PPP1CC: variants seen among roughly 807,000 people sequenced by gnomAD.
The protein encoded by PPP1CC is protein phosphatase 1 catalytic subunit gamma, also known as serine/threonine-protein phosphatase PP1-gamma catalytic subunit.
PPP1CC carries 16 observed loss-of-function variants against 38.4 expected under a neutral mutation model. The ratio of observed to expected loss-of-function variants is 0.42; its 90% CI spans 0.28 to 0.63. PPP1CC has a LOEUF of 0.63. Ranked by LOEUF, PPP1CC falls within the 30% of genes least tolerant of loss-of-function variation. The pLI is 0.25. For missense variants in PPP1CC, 170 were observed against 391.3 expected (o/e 0.43, Z 4.77); for synonymous variants, 158 against 136.0 (o/e 1.16, Z -1.13).
Position 110,722,766 on chromosome 12 carries a change from C to A in PPP1CC, c.524-71G>T. On this transcript the variant is annotated intron_variant, in intron 4 of 6. Transcript: ENST00000335007. This position sits in a 1 kb window ranked among gnomAD's most constrained non-coding sequence, Gnocchi z 5.4. Reference sequence around the variant, plus strand: ...AAAGGATACTACCCCTTCAAAAGTTCCATTTGTCTACAGAGAAATTCAATA... The same window carrying A: ...AAAGGATACTACCCCTTCAAAAGTTACATTTGTCTACAGAGAAATTCAATA... 1.8e-6 allele frequency: 2 copies of A among 1,125,556 alleles called. No homozygotes were observed. The highest frequency in any genetic ancestry group is 2.5e-6 in the Non-Finnish European group (2 of 802,576). The allele number at this position is 1,125,556 out of a possible 1,614,324, so 69.7% of individuals were successfully genotyped here.
chr12:110,732,027 T>C lies in PPP1CC; in HGVS notation c.56-126A>G, dbSNP rs77362774. On this transcript the variant is annotated intron_variant, in intron 1 of 6. Transcript: ENST00000335007. Reference sequence around the variant, plus strand: ...AGTGGCTTCATTTTCAGGACACTTATAATAAACATGGTTTTAATGTCTAAT... The same window carrying C: ...AGTGGCTTCATTTTCAGGACACTTACAATAAACATGGTTTTAATGTCTAAT... 7.0e-3 allele frequency: 6,911 copies of C among 989,670 alleles called. 320 individuals carry two copies. The African/African-American group carries it at 0.098, about 14-fold the overall frequency. The allele number at this position is 989,670 out of a possible 1,614,324, so 61.3% of individuals were successfully genotyped here. A position where few individuals can be genotyped will look rare whatever the true frequency, so the allele number is the denominator to read the frequency against.
the PPP1CC span, among the ~76,000 whole-genome samples, chr12:110,709,268 T>C: frequency 1.3e-5 from 2 of 152,092 alleles, no homozygotes; most frequent in Non-Finnish European, 2.9e-5. Context: ...CTCCCTCTGT[T>C]GCCCAGGCTG....
chr12:110,715,791 T>G (rs1228237390), downstream of PPP1CC, among the ~76,000 whole-genome samples: 1 of 152,020 alleles, frequency 6.6e-6, no homozygotes, highest in Non-Finnish European at 1.5e-5. Flanking sequence ...CAGGCTAATT[T>G]TGTATTTTTA....
the PPP1CC span, among the ~76,000 whole-genome samples, chr12:110,712,166 G>A: frequency 6.6e-6 from 1 of 151,954 alleles, no homozygotes; most frequent in Non-Finnish European, 1.5e-5. Flanking sequence ...AGGCTCTACC[G>A]TATAGCTTAT....
Position 110,720,359 on chromosome 12 carries a change from A to G in PPP1CC, c.*717T>C. 4.8e-6 allele frequency: 3 copies of G among 628,126 alleles called. No individual in the cohort carries two copies. The highest frequency in any genetic ancestry group is 8.3e-6 in the Non-Finnish European group (3 of 361,914). 38.9% of individuals were successfully genotyped at this position (628,126 alleles called of 1,614,324 possible). On this transcript the variant is annotated 3_prime_UTR_variant, in exon 7 of 7. Transcript: ENST00000335007. ...CCCCAAGAAGGCAGCATGTGTATACAACCATACCACCTTGTACTTAGGGGT... is the reference window on the plus strand; with the variant it reads ...CCCCAAGAAGGCAGCATGTGTATACGACCATACCACCTTGTACTTAGGGGT...
intron 3 of PPP1CC, among the ~76,000 whole-genome samples, chr12:110,730,228 G>C (rs2069856429): frequency 6.6e-6 from 1 of 152,218 alleles, no homozygotes; most frequent in Non-Finnish European, 1.5e-5. Flanking sequence ...GCGTGGTGAT[G>C]CATGTCTGCA....
At chr12:110,709,353 C>T in the PPP1CC span, among the ~76,000 whole-genome samples, 76 of 151,974 alleles carry the variant, frequency 5.0e-4, no homozygotes, top group South Asian at 0.011. Context: ...CTCAGCCTCC[C>T]GAGTAGCTGG....
chr12:110,715,532 G>A (rs1480718957), downstream of PPP1CC, among the ~76,000 whole-genome samples: 4 of 151,864 alleles, frequency 2.6e-5, no homozygotes, highest in African/African-American at 9.7e-5. Flanking sequence ...GTGTCACCAT[G>A]TTGCCCATAC....
intron 1 of PPP1CC, among the ~76,000 whole-genome samples, chr12:110,737,892 C>G (rs994368157): frequency 9.9e-5 from 15 of 152,054 alleles, no homozygotes; most frequent in Admixed American, 9.2e-4. Context: ...GGTCTCCAGC[C>G]TGGGGACAGA....
chr12:110,728,575 A>C (rs1201864529), intron 3 of PPP1CC, among the ~76,000 whole-genome samples: 1 of 151,730 alleles, frequency 6.6e-6, no homozygotes, highest in Non-Finnish European at 1.5e-5. Context: ...CTATGATCCC[A>C]CCTCTGCACT....
At chr12:110,738,914 C>G (rs1479409423) in intron 1 of PPP1CC, among the ~76,000 whole-genome samples, 1 of 152,162 alleles carries the variant, frequency 6.6e-6, no homozygotes, top group Non-Finnish European at 1.5e-5. Flanking sequence ...GGGCATATGA[C>G]CAACATACTG....
intron 4 of PPP1CC, among the ~76,000 whole-genome samples, chr12:110,723,027 C>T (rs1272726366): frequency 1.3e-5 from 2 of 152,120 alleles, no homozygotes; most frequent in Non-Finnish European, 2.9e-5. Flanking sequence ...CAATAATGAG[C>T]GATGTTATGA....
downstream of PPP1CC, among the ~76,000 whole-genome samples, chr12:110,714,855 T>C (rs541071903): frequency 6.9e-6 from 1 of 144,178 alleles, no homozygotes; most frequent in African/African-American, 2.6e-5. Context: ...GATTTCATTA[T>C]GGTAAACTAA....
At chr12:110,711,861 G>A in the PPP1CC span, among the ~76,000 whole-genome samples, 1 of 151,986 alleles carries the variant, frequency 6.6e-6, no homozygotes, top group African/African-American at 2.4e-5. Flanking sequence ...CGGGACGGAG[G>A]TTGCAGTGAG....
At chr12:110,712,655 AAAAAAAAAAAAG>A in the PPP1CC span, among the ~76,000 whole-genome samples, 8 of 148,888 alleles carry the variant, frequency 5.4e-5, no homozygotes, top group South Asian at 2.1e-4. Flanking sequence ...AAAAAAAAAA[AAAAAAAAAAAAG>A]GGGGGGCACT....
chr12:110,735,992 G>A (rs1029220679), intron 1 of PPP1CC, among the ~76,000 whole-genome samples: 1 of 152,092 alleles, frequency 6.6e-6, no homozygotes, highest in African/African-American at 2.4e-5. Flanking sequence ...TGGAACCCAC[G>A]GGGCAGGTTG....
At position 110,727,610 on chromosome 12, in the gene PPP1CC, G is replaced by GT. The variant is rs564906487; in HGVS notation, c.419-2847dup. Among the ~76,000 whole-genome samples, 767 of 125,668 alleles carry GT rather than the reference G, an allele frequency of 6.1e-3. 3 individuals carry two copies. Among genetic ancestry groups the GT allele is most frequent in the Non-Finnish European group, 8.5e-3 (524 of 61,432 alleles). The allele number at this position is 125,668 out of a possible 152,430, so 82.4% of individuals were successfully genotyped here. A position where few individuals can be genotyped will look rare whatever the true frequency, so the allele number is the denominator to read the frequency against. Reference sequence around the variant, plus strand: ...TCAGCCTTTCCATCACATTTACAAAGTTAAAAAAAAAAAAAAAAGAAATGG... The same window carrying GT: ...TCAGCCTTTCCATCACATTTACAAAGTTTAAAAAAAAAAAAAAAAGAAATGG... On this transcript the variant is annotated intron_variant, in intron 3 of 6. Coordinates refer to ENST00000335007, the MANE Select transcript of PPP1CC (RefSeq NM_002710.4).
At chr12:110,736,039 G>C (rs923791568) in intron 1 of PPP1CC, among the ~76,000 whole-genome samples, 1 of 151,194 alleles carries the variant, frequency 6.6e-6, no homozygotes, top group African/African-American at 2.4e-5. Context: ...CTCCAGCCTG[G>C]GGAACAAGAA....
At chr12:110,741,309 A>G (rs1384628287) in intron 1 of PPP1CC, among the ~76,000 whole-genome samples, 1 of 152,308 alleles carries the variant, frequency 6.6e-6, no homozygotes, top group East Asian at 1.9e-4. Flanking sequence ...AAATTCTAAC[A>G]CCAGAGCTGT....
Sources: gnomAD v4.1 joint callset for allele counts (sites outside exome capture counted in the v4.1 genomes callset) on GRCh38, gnomAD v4.1.1 for gene constraint, Gnocchi (gnomAD v3.1) non-coding constraint, MANE v1.5 for transcripts, NCBI Gene and HGNC (gene_info 2026-07-23, HGNC 2026-07-21) for gene names.